The following MRPS27 variants were observed in gnomAD, a reference collection of about 807,000 sequenced individuals.
MRPS27 encodes small ribosomal subunit protein mS27.
MRPS27 carries 43 observed loss-of-function variants against 48.9 expected under a neutral mutation model. The observed-to-expected ratio is 0.88, with a 90% CI of 0.69 to 1.13. The LOEUF (loss-of-function observed/expected upper bound fraction) is 1.13. Among genes scored for constraint, MRPS27 ranks in the 50% most tolerant of loss-of-function variants. The pLI is 0.00. For synonymous variants in MRPS27, 188 were observed against 171.9 expected (o/e 1.09, Z -0.73); for missense variants, 467 against 476.3 (o/e 0.98, Z 0.18).
chr5:72,296,623 G>C (rs1432534268), intron 3 of MRPS27, among the ~76,000 whole-genome samples: 1 of 152,096 alleles, frequency 6.6e-6, no homozygotes, highest in Non-Finnish European at 1.5e-5. Context: ...CATCATGTAA[G>C]GGACGAAAAA....
intron 4 of MRPS27, among the ~76,000 whole-genome samples, chr5:72,247,343 A>C (rs1401813671): frequency 6.6e-6 from 1 of 152,240 alleles, no homozygotes; most frequent in Non-Finnish European, 1.5e-5. Flanking sequence ...TCTACTCATT[A>C]AAACATCAGT....
chr5:72,314,851 T>C (rs149635722), intron 1 of MRPS27, among the ~76,000 whole-genome samples: 2 of 152,342 alleles, frequency 1.3e-5, no homozygotes, highest in East Asian at 3.9e-4. Context: ...TGCTTTATAA[T>C]TATTATGCCT....
At chr5:72,316,458 C>T (rs1750566540) in intron 1 of MRPS27, among the ~76,000 whole-genome samples, 1 of 152,136 alleles carries the variant, frequency 6.6e-6, no homozygotes, top group Non-Finnish European at 1.5e-5. Context: ...ATTTCCACCT[C>T]CCAGGTTCAG....
chr5:72,305,052 A>G (rs560571650), intron 2 of MRPS27, among the ~76,000 whole-genome samples: 2 of 152,368 alleles, frequency 1.3e-5, no homozygotes, highest in East Asian at 3.9e-4. Context: ...TTGAATATAC[A>G]GAAGGAAGTA....
chr5:72,305,191 T>C (rs546210950), intron 2 of MRPS27, among the ~76,000 whole-genome samples: 1 of 152,314 alleles, frequency 6.6e-6, no homozygotes, highest in South Asian at 2.1e-4. Context: ...TGTGTACATA[T>C]ATATTAATGA....
At chr5:72,275,201 T>C (rs990928471) in intron 4 of MRPS27, among the ~76,000 whole-genome samples, 2 of 152,094 alleles carry the variant, frequency 1.3e-5, no homozygotes, top group African/African-American at 4.8e-5. Context: ...CAAAAATCAA[T>C]GCACAAAAAT....
intron 4 of MRPS27, among the ~76,000 whole-genome samples, chr5:72,289,083 T>C (rs1249266372): frequency 4.6e-5 from 7 of 152,206 alleles, no homozygotes; most frequent in African/African-American, 1.7e-4. Flanking sequence ...CCTGGAGACA[T>C]GCAGGCTGCC....
chr5:72,300,565 A>G (rs1049146360), intron 2 of MRPS27, among the ~76,000 whole-genome samples: 3 of 152,156 alleles, frequency 2.0e-5, no homozygotes, highest in Admixed American at 6.5e-5. Flanking sequence ...TGCTTTTCCT[A>G]TCTCAGTAAA....
At chr5:72,238,263 A>C in intron 4 of MRPS27, 135 bp from the exon 5 acceptor site, 1 of 603,388 alleles carries the variant, frequency 1.7e-6, no homozygotes, top group Non-Finnish European at 2.9e-6. Context: ...ACAGTTGATA[A>C]AAACTTGAGA....
intron 4 of MRPS27, among the ~76,000 whole-genome samples, chr5:72,261,151 C>G (rs533530237): frequency 3.2e-4 from 48 of 152,362 alleles, no homozygotes; most frequent in Non-Finnish European, 5.6e-4. Context: ...GTGTGAGCCA[C>G]TGCAACTGGC....
intron 4 of MRPS27, among the ~76,000 whole-genome samples, chr5:72,253,735 G>A (rs1369471270): frequency 6.6e-6 from 1 of 152,144 alleles, no homozygotes; most frequent in Non-Finnish European, 1.5e-5. Context: ...CATATATTAA[G>A]GTCCCTGTAT....
chr5:72,297,795 A>G, intron 2 of MRPS27, 93 bp from the exon 3 acceptor site: 1 of 589,640 alleles, frequency 1.7e-6, no homozygotes, highest in South Asian at 3.0e-5. Context: ...GTATTAAAAG[A>G]AACGTTCTTT....
intron 4 of MRPS27, among the ~76,000 whole-genome samples, chr5:72,293,722 T>C (rs1749900734): frequency 6.6e-6 from 1 of 152,242 alleles, no homozygotes; most frequent in Non-Finnish European, 1.5e-5. Context: ...AATTTGATGC[T>C]ACAGAAGTAC....
At chr5:72,274,805 A>G (rs1274292016) in intron 4 of MRPS27, among the ~76,000 whole-genome samples, 1 of 152,216 alleles carries the variant, frequency 6.6e-6, no homozygotes, top group South Asian at 2.1e-4. Context: ...GAACGCTACA[A>G]TGTCATTAAG....
rs114861656 is a variant in MRPS27 at position 72,270,747 on chromosome 5, T to A, written c.281+24784A>T. On this transcript the variant is annotated intron_variant, in intron 4 of 10. Coordinates refer to ENST00000261413, the MANE Select transcript of MRPS27 (RefSeq NM_015084.3). ...AGTCTTACTGACAACATAGTGTTAC[T>A]GAAAACTTAAAAAATTTAACAAATT... Among the ~76,000 whole-genome samples, 568 of 152,284 alleles carry A rather than the reference T, an allele frequency of 3.7e-3. 1 individual carries two copies. The highest frequency in any genetic ancestry group is 0.013 in the African/African-American group (552 of 41,572).
chr5:72,298,577 G>A (rs1046764485), intron 2 of MRPS27, among the ~76,000 whole-genome samples: 44 of 151,972 alleles, frequency 2.9e-4, no homozygotes, highest in Middle Eastern at 3.4e-3. Flanking sequence ...GCGGTGGCGG[G>A]CGCCTGTAGT....
At chr5:72,240,612 C>T (rs1748324392) in intron 4 of MRPS27, among the ~76,000 whole-genome samples, 2 of 152,094 alleles carry the variant, frequency 1.3e-5, no homozygotes, top group South Asian at 4.1e-4. Context: ...CATATCCAAC[C>T]AAACACCTTT....
intron 7 of MRPS27, among the ~76,000 whole-genome samples, chr5:72,231,537 C>T (rs1369203908): frequency 6.6e-6 from 1 of 152,042 alleles, no homozygotes; most frequent in East Asian, 1.9e-4. Flanking sequence ...GTTTGCTCAC[C>T]AGTACATAAC....
chr5:72,307,005 G>A (rs1409762861), intron 2 of MRPS27, among the ~76,000 whole-genome samples: 1 of 152,002 alleles, frequency 6.6e-6, no homozygotes, highest in Non-Finnish European at 1.5e-5. Context: ...TATTATACGA[G>A]GCTTTATTTG....
Sources: gnomAD v4.1 joint callset for allele counts (sites outside exome capture counted in the v4.1 genomes callset) on GRCh38, gnomAD v4.1.1 for gene constraint, MANE v1.5 for transcripts, NCBI Gene and HGNC (gene_info 2026-07-23, HGNC 2026-07-21) for gene names.